GK: variants seen among roughly 807,000 people sequenced by gnomAD.
The protein encoded by GK is glycerol kinase.
GK carries 9 observed loss-of-function variants against 56.4 expected under a neutral mutation model. That is an observed-to-expected ratio of 0.16 (90% CI 0.10 to 0.28). The LOEUF (loss-of-function observed/expected upper bound fraction) is 0.28, where lower values mean the gene tolerates loss of function less well. Among genes scored for constraint, GK ranks in the 10% least tolerant of loss-of-function variants. The probability of loss-of-function intolerance (pLI) is 1.00; values close to 1 mark genes in which losing one functional copy is unlikely to be tolerated. For synonymous variants in GK, 104 were observed against 144.1 expected (o/e 0.72, Z 1.99); for missense variants, 161 against 431.4 (o/e 0.37, Z 5.55).
At chrX:30,654,987 A>G (rs191670165) in intron 1 of GK, among the ~76,000 whole-genome samples, 2 of 111,898 alleles carry the variant, frequency 1.8e-5, no homozygotes, top group East Asian at 5.6e-4. Flanking sequence ...TATTTTTTCA[A>G]AGTTCTGTCA....
chrX:30,718,297 TGGGG>T (rs1213932395), intron 13 of GK, among the ~76,000 whole-genome samples: 2 of 112,170 alleles, frequency 1.8e-5, no homozygotes, highest in Non-Finnish European at 3.8e-5. Context: ...TGTCCACCTA[TGGGG>T]ACAAATCCAA....
In GK at chrX:30,699,273, G is replaced by GT. The variant is rs199792918; in HGVS notation, c.748-1140dup. Among the ~76,000 whole-genome samples the GT allele has an allele frequency of 9.7e-4, 87 of 89,605 alleles. 1 individual carries two copies. The highest frequency in any genetic ancestry group is 5.3e-4 in the South Asian group (1 of 1,902). 77.8% of individuals were successfully genotyped at this position (89,605 alleles called of 115,157 possible). Reference sequence around the variant, plus strand: ...TATATATACATGTTATGTATAACATGTATATATACAACATGTTATACATAA... The same window carrying GT: ...TATATATACATGTTATGTATAACATGTTATATATACAACATGTTATACATAA... On this transcript the variant is annotated intron_variant, in intron 9 of 20. Coordinates refer to ENST00000427190, the MANE Select transcript of GK (RefSeq NM_001205019.2).
intron 13 of GK, among the ~76,000 whole-genome samples, chrX:30,715,811 T>G (rs939602834): frequency 3.6e-5 from 4 of 112,246 alleles, no homozygotes; most frequent in African/African-American, 1.3e-4. Flanking sequence ...ATTATTTACT[T>G]TTTTCAGATA....
chrX:30,653,759 G>A, intron 1 of GK, 144 bp downstream of exon 1: 1 of 562,465 alleles, frequency 1.8e-6, no homozygotes, highest in East Asian at 3.6e-5. Flanking sequence ...AACGGGACCT[G>A]CCACACTGGG....
intron 4 of GK, among the ~76,000 whole-genome samples, chrX:30,680,389 C>T (rs1487403539): frequency 8.9e-6 from 1 of 112,002 alleles, no homozygotes. Flanking sequence ...TAAACATGAA[C>T]ACTCTCCAAC....
At chrX:30,697,613 G>C in intron 8 of GK, 119 bp from the exon 9 acceptor site, 1 of 568,963 alleles carries the variant, frequency 1.8e-6, no homozygotes, top group Non-Finnish European at 3.1e-6. Flanking sequence ...AAAAAGAAAC[G>C]ATGCTTGAGA....
chrX:30,712,190 A>C (rs967382222), intron 13 of GK, among the ~76,000 whole-genome samples: 7 of 111,898 alleles, frequency 6.3e-5, no homozygotes, highest in African/African-American at 2.3e-4. Context: ...ATTGAAGTTT[A>C]GTATTTATTC....
chrX:30,717,340 T>C (rs1936679409), intron 13 of GK, among the ~76,000 whole-genome samples: 1 of 110,823 alleles, frequency 9.0e-6, no homozygotes, highest in Non-Finnish European at 1.9e-5. Flanking sequence ...TATTGAGATA[T>C]AGTTCATATT....
intron 1 of GK, among the ~76,000 whole-genome samples, chrX:30,657,976 T>C (rs1335917395): frequency 1.8e-5 from 2 of 112,380 alleles, no homozygotes; most frequent in Non-Finnish European, 3.8e-5. Flanking sequence ...ATCTTGTGAC[T>C]CAAATTCAGT....
intron 4 of GK, 133 bp downstream of exon 4, chrX:30,677,585 G>A (rs757125756): frequency 2.3e-5 from 12 of 513,092 alleles, no homozygotes; most frequent in Middle Eastern, 3.4e-4. Flanking sequence ...CCAGCACTTC[G>A]GGAGACTGAG....
chrX:30,657,425 A>G (rs1932381175), intron 1 of GK, among the ~76,000 whole-genome samples: 1 of 112,305 alleles, frequency 8.9e-6, no homozygotes, highest in South Asian at 3.6e-4. Flanking sequence ...GAATTAGTGT[A>G]ACAGGTTTTA....
chrX:30,712,844 C>A (rs1936411953), intron 13 of GK, among the ~76,000 whole-genome samples: 1 of 106,700 alleles, frequency 9.4e-6, no homozygotes, highest in Non-Finnish European at 1.9e-5. Flanking sequence ...CCTGCCTCAG[C>A]CTCCCGAGTA....
At chrX:30,726,849 A>T (rs990639255) in intron 19 of GK, among the ~76,000 whole-genome samples, 1 of 111,962 alleles carries the variant, frequency 8.9e-6, no homozygotes, top group African/African-American at 3.2e-5. Context: ...TTTCAAAGCA[A>T]TTTGCCAATT....
intron 4 of GK, among the ~76,000 whole-genome samples, chrX:30,688,968 T>A (rs1198850556): frequency 8.9e-6 from 1 of 112,565 alleles, no homozygotes; most frequent in Non-Finnish European, 1.9e-5. Flanking sequence ...ACATTTTACA[T>A]AATGATCCAG....
intron 2 of GK, 36 bp downstream of exon 2, chrX:30,665,620 T>G (rs187813593): frequency 1.2e-6 from 1 of 819,825 alleles, no homozygotes; most frequent in Non-Finnish European, 1.9e-6. Context: ...AGACACATTA[T>G]GTTTGTTAGT....
At chrX:30,674,941 C>T (rs1198397635) in intron 3 of GK, among the ~76,000 whole-genome samples, 1 of 111,749 alleles carries the variant, frequency 8.9e-6, no homozygotes, top group African/African-American at 3.3e-5. Flanking sequence ...TTATTCTGGA[C>T]GTACAGTTTG....
chrX:30,719,040 T>C (rs958869177), intron 14 of GK, among the ~76,000 whole-genome samples: 3 of 111,695 alleles, frequency 2.7e-5, no homozygotes, highest in Non-Finnish European at 5.7e-5. Context: ...CTACTCACTC[T>C]TTCATCCACT....
intron 1 of GK, among the ~76,000 whole-genome samples, chrX:30,662,831 C>CTCTT (rs1234512066): frequency 1.3e-4 from 1 of 7,691 alleles, no homozygotes; most frequent in Non-Finnish European, 3.0e-4. Flanking sequence ...CTCTCTCTCT[C>CTCTT]TCTTTCTTTC....
At chrX:30,700,793 A>T (rs757936617) in intron 10 of GK, 45 bp from the exon 11 acceptor site, 3 of 817,010 alleles carry the variant, frequency 3.7e-6, no homozygotes, top group Non-Finnish European at 5.6e-6. Context: ...GAAAGTTAAT[A>T]CTATTGTATT....
Sources: gnomAD v4.1 joint callset for allele counts (sites outside exome capture counted in the v4.1 genomes callset) on GRCh38, gnomAD v4.1.1 for gene constraint, MANE v1.5 for transcripts, NCBI Gene and HGNC (gene_info 2026-07-23, HGNC 2026-07-21) for gene names.